MAPKAP1: variants seen among roughly 807,000 people sequenced by gnomAD.
The protein encoded by MAPKAP1 is target of rapamycin complex 2 subunit MAPKAP1.
Under a neutral mutation model 65.7 loss-of-function variants are expected in MAPKAP1, and 20 were observed. That is an observed-to-expected ratio of 0.30 (90% CI 0.21 to 0.44). MAPKAP1 has a LOEUF of 0.44. Ranked by LOEUF, MAPKAP1 falls within the 20% of genes least tolerant of loss-of-function variation. MAPKAP1 has a pLI of 1.00. For missense variants in MAPKAP1, 423 were observed against 648.0 expected, an observed-to-expected ratio of 0.65 and a Z score of 3.77; for synonymous variants, 222 against 244.3, an observed-to-expected ratio of 0.91 and a Z score of 0.85.
At chr9:125,612,206 G>A (rs1369023999) in intron 4 of MAPKAP1, among the ~76,000 whole-genome samples, 3 of 152,082 alleles carry the variant, frequency 2.0e-5, no homozygotes, top group African/African-American at 7.2e-5. Context: ...CAGATTTTCA[G>A]AGTAAGAATG....
chr9:125,701,215 C>T (rs560933261), intron 1 of MAPKAP1, among the ~76,000 whole-genome samples: 53 of 152,286 alleles, frequency 3.5e-4, no homozygotes, highest in African/African-American at 1.3e-3. Flanking sequence ...ATTTGTAACA[C>T]AGTACCTTAA....
intron 9 of MAPKAP1, among the ~76,000 whole-genome samples, chr9:125,483,885 GATA>G (rs1436085803): frequency 2.6e-5 from 4 of 152,290 alleles, no homozygotes; most frequent in Middle Eastern, 6.8e-3. Context: ...TGATGATGAT[GATA>G]ATGATGATGT....
intron 1 of MAPKAP1, among the ~76,000 whole-genome samples, chr9:125,698,325 A>G (rs1162758512): frequency 1.4e-4 from 13 of 95,602 alleles, no homozygotes; most frequent in Non-Finnish European, 2.6e-4. Flanking sequence ...ATATATATAT[A>G]TATATATATA....
intron 4 of MAPKAP1, among the ~76,000 whole-genome samples, chr9:125,651,522 C>T (rs1833892900): frequency 6.6e-6 from 1 of 152,138 alleles, no homozygotes; most frequent in Non-Finnish European, 1.5e-5. Context: ...GGAGAAATCA[C>T]TTGAACCTGG....
intron 4 of MAPKAP1, among the ~76,000 whole-genome samples, chr9:125,648,512 T>A (rs1367653935): frequency 6.6e-6 from 1 of 152,216 alleles, no homozygotes; most frequent in African/African-American, 2.4e-5. Flanking sequence ...AGATTACTTG[T>A]CCTACATCAG....
chr9:125,693,426 A>ATAT (rs34546563), intron 1 of MAPKAP1, among the ~76,000 whole-genome samples: 1 of 131,286 alleles, frequency 7.6e-6, no homozygotes, highest in African/African-American at 3.1e-5. Flanking sequence ...AAAAAAAAAA[A>ATAT]ATATATATAT....
At chr9:125,490,913 G>A (rs562977092) in intron 8 of MAPKAP1, among the ~76,000 whole-genome samples, 24 of 152,232 alleles carry the variant, frequency 1.6e-4, no homozygotes, top group South Asian at 4.2e-4. Flanking sequence ...CAAGGTGGGC[G>A]GACCACTTGA....
At chr9:125,526,924 C>T (rs1421022661) in intron 7 of MAPKAP1, among the ~76,000 whole-genome samples, 1 of 151,764 alleles carries the variant, frequency 6.6e-6, no homozygotes, top group Non-Finnish European at 1.5e-5. Context: ...CAGGCGTGTG[C>T]CACCACGCCC....
chr9:125,504,424 C>G (rs1829077985), intron 8 of MAPKAP1, among the ~76,000 whole-genome samples: 1 of 152,124 alleles, frequency 6.6e-6, no homozygotes, highest in African/African-American at 2.4e-5. Flanking sequence ...CATATTTCAC[C>G]TTCCTGGTGA....
At chr9:125,659,757 C>A (rs1834132550) in intron 3 of MAPKAP1, among the ~76,000 whole-genome samples, 1 of 151,906 alleles carries the variant, frequency 6.6e-6, no homozygotes, top group African/African-American at 2.4e-5. Flanking sequence ...ATACTCCCTC[C>A]CTTCTGGTTA....
chr9:125,591,364 AAACCCTGCC>A (rs1309423643), intron 4 of MAPKAP1, among the ~76,000 whole-genome samples: 1 of 152,214 alleles, frequency 6.6e-6, no homozygotes, highest in East Asian at 1.9e-4. Flanking sequence ...AGACTCCAGG[AAACCCTGCC>A]ACTGTCAGTT....
At chr9:125,629,439 G>A (rs745421850) in intron 4 of MAPKAP1, among the ~76,000 whole-genome samples, 3 of 152,218 alleles carry the variant, frequency 2.0e-5, no homozygotes, top group Non-Finnish European at 2.9e-5. Flanking sequence ...AGGAAATCCT[G>A]TCCTATGCTA....
intron 4 of MAPKAP1, among the ~76,000 whole-genome samples, chr9:125,623,805 TG>T (rs1439673045): frequency 3.8e-4 from 8 of 20,914 alleles, no homozygotes; most frequent in Admixed American, 1.0e-3. Context: ...GGGAGGGAGG[TG>T]GGGGGGTCAG....
intron 7 of MAPKAP1, among the ~76,000 whole-genome samples, chr9:125,507,565 A>G (rs1217342248): frequency 2.6e-5 from 4 of 152,162 alleles, no homozygotes; most frequent in African/African-American, 9.7e-5. Flanking sequence ...CCCATGTTCT[A>G]TGTTCAGCTG....
At chr9:125,553,724 CCATCTGGCCCTTT>C (rs1830654473) in intron 6 of MAPKAP1, among the ~76,000 whole-genome samples, 1 of 152,158 alleles carries the variant, frequency 6.6e-6, no homozygotes, top group African/African-American at 2.4e-5. Context: ...TAAATATTTA[CCATCTGGCCCTTT>C]GCAGAAAAAG....
chr9:125,518,172 G>A (rs1324106747), intron 7 of MAPKAP1, among the ~76,000 whole-genome samples: 2 of 152,162 alleles, frequency 1.3e-5, no homozygotes, highest in Non-Finnish European at 2.9e-5. Flanking sequence ...GTTCATTAAA[G>A]TACCGTTTTA....
intron 1 of MAPKAP1, among the ~76,000 whole-genome samples, chr9:125,679,125 C>T (rs1277068235): frequency 6.6e-6 from 1 of 152,048 alleles, no homozygotes; most frequent in African/African-American, 2.4e-5. Context: ...CCTCAGCCTC[C>T]TGAGTGGCTG....
rs755773551 is a variant in MAPKAP1, at chr9:125,707,198, C to T, written c.-297G>A. On this transcript the variant is annotated 5_prime_UTR_variant, in exon 1 of 12. Coordinates refer to ENST00000265960, the MANE Select transcript of MAPKAP1 (RefSeq NM_001006617.3). Reference sequence around the variant, plus strand: ...CGAGCAGCAGCCCTATTACCCCGAGCCGCACACGACCCGGAACCACACCCC... The same window carrying T: ...CGAGCAGCAGCCCTATTACCCCGAGTCGCACACGACCCGGAACCACACCCC... The T allele has an allele frequency of 7.5e-6, 3 of 398,048 alleles. No homozygotes were observed. The East Asian group carries it at 1.1e-4, about 14-fold the overall frequency. 24.7% of individuals were successfully genotyped at this position (398,048 alleles called of 1,614,324 possible).
At chr9:125,458,839 T>A (rs975147117) in intron 10 of MAPKAP1, among the ~76,000 whole-genome samples, 1 of 36,902 alleles carries the variant, frequency 2.7e-5, no homozygotes. Flanking sequence ...GCTGGCCGGG[T>A]GGGGGGCTGA....
Sources: gnomAD v4.1 joint callset for allele counts (sites outside exome capture counted in the v4.1 genomes callset) on GRCh38, gnomAD v4.1.1 for gene constraint, MANE v1.5 for transcripts, NCBI Gene and HGNC (gene_info 2026-07-23, HGNC 2026-07-21) for gene names.